The following UNC80 variants were observed in gnomAD, a reference collection of about 807,000 sequenced individuals.
UNC80 encodes protein unc-80 homolog.
Under a neutral mutation model 384.6 loss-of-function variants are expected in UNC80, and 164 were observed. That is an observed-to-expected ratio of 0.43 (90% CI 0.38 to 0.49). UNC80 has a LOEUF of 0.49. UNC80 is among the 20% of genes least tolerant of loss of function. The pLI is 0.00. For synonymous variants in UNC80, 1,486 were observed against 1,527.8 expected, an observed-to-expected ratio of 0.97 and a Z score of 0.64; for missense variants, 3,330 against 4,143.0, an observed-to-expected ratio of 0.80 and a Z score of 5.39.
chr2:209,940,736 G>A (rs1474177971), intron 43 of UNC80, among the ~76,000 whole-genome samples: 1 of 152,136 alleles, frequency 6.6e-6, no homozygotes, highest in Non-Finnish European at 1.5e-5. Context: ...AGAATCACAT[G>A]AACCCAGGAG....
At chr2:209,828,313 A>G (rs924483966) in intron 14 of UNC80, among the ~76,000 whole-genome samples, 4 of 152,204 alleles carry the variant, frequency 2.6e-5, no homozygotes, top group Non-Finnish European at 5.9e-5. Flanking sequence ...TGCAATAAAA[A>G]TGAGTTTGTT....
At chr2:209,781,299 G>C (rs11689771) in intron 4 of UNC80, among the ~76,000 whole-genome samples, 1 of 152,058 alleles carries the variant, frequency 6.6e-6, no homozygotes, top group Non-Finnish European at 1.5e-5. Context: ...ATTTTACCAA[G>C]AGGGAAATTG....
At chr2:209,970,571 T>G (rs1197634257) in intron 53 of UNC80, among the ~76,000 whole-genome samples, 1 of 152,208 alleles carries the variant, frequency 6.6e-6, no homozygotes, top group Non-Finnish European at 1.5e-5. Flanking sequence ...CTGATTAGAA[T>G]AGCTTTTTGG....
chr2:209,954,561 C>T (rs1348848449), intron 48 of UNC80: 8 of 217,554 alleles, frequency 3.7e-5, no homozygotes, highest in Non-Finnish European at 5.4e-5. Context: ...GCAGTTATAA[C>T]CCAGTGGTAA....
At chr2:209,931,506 C>T (rs568872480) in intron 38 of UNC80, among the ~76,000 whole-genome samples, 75 of 151,908 alleles carry the variant, frequency 4.9e-4, no homozygotes, top group African/African-American at 1.6e-3. Context: ...CCTGGCAGTT[C>T]TTTTCTGATC....
chr2:209,982,651 T>A (rs2723223), intron 60 of UNC80: 173,346 of 179,758 alleles, frequency 0.96, 83,925 homozygotes, highest in East Asian at 1. Context: ...GGCAAGAGTT[T>A]GGACCATCTT....
chr2:209,836,084 A>G (rs1343836643), intron 18 of UNC80, among the ~76,000 whole-genome samples: 3 of 129,606 alleles, frequency 2.3e-5, no homozygotes, highest in Non-Finnish European at 5.1e-5. Context: ...CTTAATCTAT[A>G]TTTCATGAAT....
chr2:209,971,824 A>AT (rs2092896444), intron 54 of UNC80, among the ~76,000 whole-genome samples: 1 of 152,236 alleles, frequency 6.6e-6, no homozygotes, highest in East Asian at 1.9e-4. Flanking sequence ...GGGCCAGAGG[A>AT]ATAACTACCA....
At chr2:209,919,189 A>G (rs1181549626) in intron 33 of UNC80, among the ~76,000 whole-genome samples, 1 of 152,204 alleles carries the variant, frequency 6.6e-6, no homozygotes, top group Non-Finnish European at 1.5e-5. Context: ...AACACAGTCC[A>G]TTTATAGACA....
Position 209,926,900 on chromosome 2 carries a change from C to T in UNC80, c.5720C>T (p.Ala1907Val). 1 of 1,552,244 alleles carries T rather than the reference C, an allele frequency of 6.4e-7. No individual in the cohort carries two copies. Among genetic ancestry groups the T allele is most frequent in the South Asian group, 1.2e-5 (1 of 84,058 alleles). Reference sequence around the variant, plus strand: ...CACCATGTGCCTCAGCCCCCACAAGCAGTGTTCCCAGCATGCATCTGTGCA... The same window carrying T: ...CACCATGTGCCTCAGCCCCCACAAGTAGTGTTCCCAGCATGCATCTGTGCA... ...PNHHVPQPPQAVFPACICAAV... is the reference protein window; with the variant it reads ...PNHHVPQPPQVVFPACICAAV... Residue 1907 changes from alanine to valine, a missense_variant, in exon 36 of 65, where the codon GCA becomes GTA. This residue lies in a region of UNC80 where 1,049 missense variants were observed against 1,488.6 expected (regional missense o/e 0.70). Transcript: ENST00000673920.
At chr2:209,849,212 G>A (rs1402909075) in intron 21 of UNC80, among the ~76,000 whole-genome samples, 3 of 152,064 alleles carry the variant, frequency 2.0e-5, no homozygotes, top group Non-Finnish European at 4.4e-5. Flanking sequence ...ATCAAACACT[G>A]TATTTAAATA....
In UNC80 at chr2:209,973,222, T is replaced by C; in HGVS notation, c.8539T>C (p.Leu2847=). The change falls in exon 56 of 65, where the codon TTG becomes CTG. Residue 2847 remains leucine, a synonymous_variant. Transcript: ENST00000673920. The stretch of plus-strand genomic sequence containing the variant: ...CACCCCTGGGGATGCGGGGAAAGAC[T>C]TGCGCAGGGAAGGGCTGGCTGAGTC... ...CSTPGDAGKD[L]RREGLAESTS... 1 of 1,551,630 alleles carries C rather than the reference T, an allele frequency of 6.4e-7. No individual in the cohort carries two copies. The highest frequency in any genetic ancestry group is 8.7e-7 in the Non-Finnish European group (1 of 1,146,992).
At chr2:209,954,976 G>A (rs2092344547) in intron 48 of UNC80, among the ~76,000 whole-genome samples, 1 of 152,158 alleles carries the variant, frequency 6.6e-6, no homozygotes, top group Admixed American at 6.5e-5. Flanking sequence ...CAGGCAGGGA[G>A]CCCTGGATGA....
At chr2:209,775,162 A>G (rs1275540007) in intron 2 of UNC80, among the ~76,000 whole-genome samples, 1 of 152,198 alleles carries the variant, frequency 6.6e-6, no homozygotes, top group East Asian at 1.9e-4. Context: ...ACAATAATTA[A>G]GTAGGTCAGA....
At chr2:209,821,581 T>G (rs1336523462) in intron 13 of UNC80, among the ~76,000 whole-genome samples, 1 of 152,234 alleles carries the variant, frequency 6.6e-6, no homozygotes, top group Non-Finnish European at 1.5e-5. Flanking sequence ...CCTAGCCTCA[T>G]TCAGCCCTCT....
intron 48 of UNC80, among the ~76,000 whole-genome samples, chr2:209,954,825 G>C (rs917477096): frequency 1.3e-5 from 2 of 152,126 alleles, no homozygotes; most frequent in African/African-American, 4.8e-5. Flanking sequence ...ATAATGCGGA[G>C]AGAGGATTGA....
chr2:209,845,665 A>T (rs2082116530), intron 21 of UNC80, among the ~76,000 whole-genome samples: 1 of 152,198 alleles, frequency 6.6e-6, no homozygotes, highest in African/African-American at 2.4e-5. Flanking sequence ...TGAGATTGTT[A>T]TCTGGAATAT....
At chr2:209,868,779 T>A (rs2084048557) in intron 22 of UNC80, among the ~76,000 whole-genome samples, 1 of 152,194 alleles carries the variant, frequency 6.6e-6, no homozygotes, top group South Asian at 2.1e-4. Flanking sequence ...GATTGAACTA[T>A]ATGAAATTGC....
intron 35 of UNC80, among the ~76,000 whole-genome samples, chr2:209,925,371 G>C (rs1347714843): frequency 6.6e-6 from 1 of 152,134 alleles, no homozygotes; most frequent in African/African-American, 2.4e-5. Flanking sequence ...TGAAGCCGCG[G>C]ACCTTCACAG....
Sources: allele counts gnomAD v4.1 joint callset (sites outside exome capture counted in the v4.1 genomes callset), GRCh38; gene constraint gnomAD v4.1.1; regional missense constraint gnomAD v4.1.1; transcripts MANE v1.5; gene names NCBI Gene and HGNC (gene_info 2026-07-23, HGNC 2026-07-21).